Variants in TINAGL1 observed in about 807,000 individuals in gnomAD.
TINAGL1 encodes the protein tubulointerstitial nephritis antigen like 1.
In TINAGL1, 34 loss-of-function variants were observed where a neutral mutation model predicts 62.0. That is an observed-to-expected ratio of 0.55 (90% confidence interval 0.42 to 0.73). The LOEUF (loss-of-function observed/expected upper bound fraction) is 0.73. Ranked by LOEUF, TINAGL1 falls within the 30% of genes least tolerant of loss-of-function variation. The probability of loss-of-function intolerance (pLI) is 0.00; values close to 1 mark genes in which losing one functional copy is unlikely to be tolerated. For missense variants in TINAGL1, 516 were observed against 653.2 expected (o/e 0.79, Z 2.29); for synonymous variants, 221 against 249.7 (o/e 0.88, Z 1.08).
In TINAGL1 at chr1:31,584,509, T is replaced by A; in HGVS notation, c.583-169T>A. The A allele has an allele frequency of 9.7e-7, 1 of 1,029,976 alleles. No homozygotes were observed. Among genetic ancestry groups the A allele is most frequent in the Non-Finnish European group, 1.4e-6 (1 of 706,898 alleles). The allele number at this position is 1,029,976 out of a possible 1,614,324, so 63.8% of individuals were successfully genotyped here. On this transcript the variant is annotated intron_variant, in intron 5 of 11. Transcript: ENST00000271064. This position sits in a 1 kb window ranked among gnomAD's most constrained non-coding sequence, Gnocchi z 4.0. Reference sequence around the variant, plus strand: ...CTGGGAGGCACTAAATGGTGCTTGGTTCTTCAACACAAGTCAAAATTGGAG... The same window carrying A: ...CTGGGAGGCACTAAATGGTGCTTGGATCTTCAACACAAGTCAAAATTGGAG...
Position 31,586,711 on chromosome 1 carries a change from T to C in TINAGL1, c.1219T>C (p.Trp407Arg), listed in dbSNP as rs1352039245. 1 of 1,558,220 alleles carries C rather than the reference T, an allele frequency of 6.4e-7. No homozygotes were observed. The highest frequency in any genetic ancestry group is 8.7e-7 in the Non-Finnish European group (1 of 1,150,680). ...HGTHSVKITG[W>R]GEETLPDGRT... The stretch of plus-strand genomic sequence containing the variant: ...CCCCCTCCTCTGCTCTGCCCACAGA[T>C]GGGGAGAGGAGACGCTGCCAGATGG... Residue 407 changes from tryptophan to arginine, a missense_variant and splice_region_variant, in exon 11 of 12, where the codon TGG becomes CGG. Trp to Arg is a moderately radical substitution (Grantham distance 101). Coordinates refer to ENST00000271064, the MANE Select transcript of TINAGL1 (RefSeq NM_022164.3).
In TINAGL1 at chr1:31,577,449, C is replaced by T; in HGVS notation, c.301C>T (p.Pro101Ser). The change falls in exon 2 of 12, where the codon CCG (proline) becomes TCG (serine). Residue 101 changes from proline to serine, a missense_variant. Physicochemically the swap from Pro to Ser is moderately conservative, Grantham distance 74. Coordinates refer to ENST00000271064, the MANE Select transcript of TINAGL1 (RefSeq NM_022164.3). The surrounding 1 kb of genome is among the most constrained non-coding windows in gnomAD (Gnocchi z 5.4). ...FCLGVPPPFP[P>S]IQGCMHGGRI... ...CCTCGGCGTGCCACCCCCTTTTCCCCCGATCCAAGGTGGGCACTAAGATGG... is the reference window on the plus strand; with the variant it reads ...CCTCGGCGTGCCACCCCCTTTTCCCTCGATCCAAGGTGGGCACTAAGATGG... 1 of 1,609,810 alleles carries T rather than the reference C, an allele frequency of 6.2e-7. No homozygotes were observed.
chr1:31,577,757 C>A lies in TINAGL1; in HGVS notation c.310+299C>A. ...GACTCACTCTTGGGCTGATAAGGCA[C>A]ATATGGGTTGGTGAGGGTCATCTTA... On this transcript the variant is annotated intron_variant, in intron 2 of 11. Transcript: ENST00000271064. The surrounding 1 kb of genome is among the most constrained non-coding windows in gnomAD (Gnocchi z 5.4). 1 of 370,322 alleles carries A rather than the reference C, an allele frequency of 2.7e-6. No homozygotes were observed. Among genetic ancestry groups the A allele is most frequent in the Non-Finnish European group, 4.8e-6 (1 of 206,598 alleles). The allele number at this position is 370,322 out of a possible 1,614,324, so 22.9% of individuals were successfully genotyped here.
chr1:31,579,109 T>G, intron 2 of TINAGL1, 95 bp from the exon 3 acceptor site: 1 of 852,718 alleles, frequency 1.2e-6, no homozygotes, highest in African/African-American at 1.7e-5. Flanking sequence ...GAGAGAATCT[T>G]GGAAAGGTTC....
Position 31,576,752 on chromosome 1 carries a change from G to A in TINAGL1, c.-16+157G>A, listed in dbSNP as rs1480497271. ...GAAGAGAGGTGTACCCAAAAGACCG[G>A]GGGAGACAGGAAAGCACAAAGTCAA... On this transcript the variant is annotated intron_variant, in intron 1 of 11. Coordinates refer to ENST00000271064, the MANE Select transcript of TINAGL1 (RefSeq NM_022164.3). The surrounding 1 kb of genome is among the most constrained non-coding windows in gnomAD (Gnocchi z 5.1). 1.3e-5 allele frequency among the ~76,000 whole-genome samples: 2 copies of A among 152,302 alleles called. No homozygotes were observed. The highest frequency in any genetic ancestry group is 2.9e-5 in the Non-Finnish European group (2 of 68,028).
chr1:31,585,245 C>T lies in TINAGL1; in HGVS notation c.952C>T (p.Arg318Trp), dbSNP rs375312329. 1.2e-5 allele frequency: 19 copies of T among 1,613,458 alleles called. No homozygotes were observed. The highest frequency in any genetic ancestry group is 1.5e-5 in the Non-Finnish European group (18 of 1,179,766). Residue 318 changes from arginine to tryptophan, a missense_variant, in exon 8 of 12, where the codon CGG (arginine) becomes TGG (tryptophan). Transcript: ENST00000271064. This position sits in a 1 kb window ranked among gnomAD's most constrained non-coding sequence, Gnocchi z 4.3. ...TATGATGCACAGCCGAGCCATGGGT[C>T]GGGGCAAGCGCCAGGCCACTGCCCA... ...PCMMHSRAMG[R>W]GKRQATAHCP... is the part of the protein sequence containing the mutation.
Position 31,586,731 on chromosome 1 carries a change from A to G in TINAGL1, c.1239A>G (p.Pro413=), listed in dbSNP as rs1355924374. The change falls in exon 11 of 12, where the codon CCA becomes CCG. Residue 413 remains proline (P), a synonymous_variant. Transcript: ENST00000271064. ...ACAGATGGGGAGAGGAGACGCTGCC[A>G]GATGGAAGGACGCTCAAATACTGGG... ...KITGWGEETL[P]DGRTLKYWTA... 6 of 1,556,600 alleles carry G rather than the reference A, an allele frequency of 3.9e-6. No individual in the cohort carries two copies. The highest frequency in any genetic ancestry group is 2.4e-5 in the South Asian group (2 of 84,296).
At position 31,577,561 on chromosome 1, in the gene TINAGL1, C is replaced by A. The variant is rs946423292; in HGVS notation, c.310+103C>A. 1.5e-6 allele frequency: 2 copies of A among 1,318,228 alleles called. No individual in the cohort carries two copies. The highest frequency in any genetic ancestry group is 2.1e-4 in the Middle Eastern group (1 of 4,738). 81.7% of individuals were successfully genotyped at this position (1,318,228 alleles called of 1,614,324 possible). On this transcript the variant is annotated intron_variant, in intron 2 of 11. Coordinates refer to ENST00000271064, the MANE Select transcript of TINAGL1 (RefSeq NM_022164.3). This position sits in a 1 kb window ranked among gnomAD's most constrained non-coding sequence, Gnocchi z 5.4. Reference sequence around the variant, plus strand: ...GATGCACTGACATTTCCAGGGGAAGCTCTGTAGAATCTGGGACTCTTCCCT... The same window carrying A: ...GATGCACTGACATTTCCAGGGGAAGATCTGTAGAATCTGGGACTCTTCCCT...
chr1:31,585,473 G>A lies in TINAGL1; in HGVS notation c.1081G>A (p.Gly361Ser). ...GATCATGAAGGAGCTGATGGAGAAT[G>A]GCCCTGTCCAAGGTAAACCCCCTTA... ...KEIMKELMEN[G>S]PVQALMEVHE... Residue 361 changes from glycine to serine, a missense_variant, in exon 9 of 12, where the codon GGC (glycine) becomes AGC (serine). Coordinates refer to ENST00000271064, the MANE Select transcript of TINAGL1 (RefSeq NM_022164.3). The surrounding 1 kb of genome is among the most constrained non-coding windows in gnomAD (Gnocchi z 4.3). 1 of 1,614,198 alleles carries A rather than the reference G, an allele frequency of 6.2e-7. No individual in the cohort carries two copies. Among genetic ancestry groups the A allele is most frequent in the Non-Finnish European group, 8.5e-7 (1 of 1,180,022 alleles).
intron 3 of TINAGL1, among the ~76,000 whole-genome samples, chr1:31,582,835 A>G (rs1402072797): frequency 1.3e-5 from 2 of 150,496 alleles, no homozygotes; most frequent in Non-Finnish European, 3.0e-5. Context: ...CCGTTTTCTG[A>G]GAACTGTAGG....
chr1:31,577,169 G>T lies in TINAGL1; in HGVS notation c.21G>T (p.Gly7=). 1.9e-6 allele frequency: 3 copies of T among 1,565,018 alleles called. No individual in the cohort carries two copies. Among genetic ancestry groups the T allele is most frequent in the Non-Finnish European group, 2.6e-6 (3 of 1,159,414 alleles). MWRCPL[G]LLLLLPLAGH... is the part of the protein sequence containing the mutation. ...CCACCATGTGGCGATGTCCACTGGG[G>T]CTACTGCTGTTGCTGCCGCTGGCTG... Residue 7 remains glycine (G), a synonymous_variant, in exon 2 of 12, where the codon GGG becomes GGT. Coordinates refer to ENST00000271064, the MANE Select transcript of TINAGL1 (RefSeq NM_022164.3). This position sits in a 1 kb window ranked among gnomAD's most constrained non-coding sequence, Gnocchi z 5.4.
Position 31,587,142 on chromosome 1 carries a change from C to G in TINAGL1, c.*163C>G. 8.9e-6 allele frequency: 10 copies of G among 1,124,046 alleles called. No homozygotes were observed. Among genetic ancestry groups the G allele is most frequent in the Non-Finnish European group, 1.1e-5 (10 of 875,562 alleles). 69.6% of individuals were successfully genotyped at this position (1,124,046 alleles called of 1,614,324 possible). A position where few individuals can be genotyped will look rare whatever the true frequency, so the allele number is the denominator to read the frequency against. On this transcript the variant is annotated 3_prime_UTR_variant, in exon 12 of 12. Transcript: ENST00000271064. ...GGGTTCCGCTGACGCAGCGCCCCGC[C>G]TGGGAGCCGCGGGCAGGCGAGACTG...
chr1:31,579,298 T>C (rs1477471973), intron 3 of TINAGL1, 31 bp downstream of exon 3: 1 of 1,598,610 alleles, frequency 6.3e-7, no homozygotes. Flanking sequence ...GGGGTCTTGC[T>C]TTGTGAGCCT....
intron 3 of TINAGL1, among the ~76,000 whole-genome samples, chr1:31,581,458 C>T (rs897283452): frequency 2.9e-4 from 44 of 152,176 alleles, no homozygotes; most frequent in African/African-American, 1.0e-3. Flanking sequence ...GACATGTGGG[C>T]GGACACCACA....
chr1:31,577,052 T>G lies in TINAGL1; in HGVS notation c.-15-82T>G. On this transcript the variant is annotated intron_variant, in intron 1 of 11. Coordinates refer to ENST00000271064, the MANE Select transcript of TINAGL1 (RefSeq NM_022164.3). This position sits in a 1 kb window ranked among gnomAD's most constrained non-coding sequence, Gnocchi z 5.4. ...GATCTCCCTCCCTGCTGGGCCCTCT[T>G]GAACTCACAGCTCCAGGAAACTGGG... 12 of 1,284,196 alleles carry G rather than the reference T, an allele frequency of 9.3e-6. No homozygotes were observed. Among genetic ancestry groups the G allele is most frequent in the Non-Finnish European group, 1.2e-5 (12 of 964,760 alleles). 79.6% of individuals were successfully genotyped at this position (1,284,196 alleles called of 1,614,324 possible).
chr1:31,579,308 T>C (rs775374824), intron 3 of TINAGL1, 41 bp downstream of exon 3: 9 of 1,562,514 alleles, frequency 5.8e-6, no homozygotes, highest in Non-Finnish European at 3.5e-6. Flanking sequence ...TTTGTGAGCC[T>C]GTGGCTGACA....
At chr1:31,579,423 C>A (rs1410899500) in intron 3 of TINAGL1, among the ~76,000 whole-genome samples, 156 bp downstream of exon 3, 2 of 152,196 alleles carry the variant, frequency 1.3e-5, no homozygotes, top group African/African-American at 4.8e-5. Flanking sequence ...TTAACACTGA[C>A]CAAGTCAACT....
intron 2 of TINAGL1, chr1:31,578,030 T>TTCTCTGGGCCTTGGCTTCCCC (rs1639047407): frequency 2.8e-6 from 1 of 360,058 alleles, no homozygotes; most frequent in Non-Finnish European, 3.9e-6. Flanking sequence ...GTTGCTTACC[T>TTCTCTGGGCCTTGGCTTCCCC]TCTCTGGGCC....
At position 31,583,236 on chromosome 1, in the gene TINAGL1, C is replaced by T; in HGVS notation, c.462C>T (p.Asn154=). 1.9e-6 allele frequency: 3 copies of T among 1,614,220 alleles called. No homozygotes were observed. The highest frequency in any genetic ancestry group is 2.5e-6 in the Non-Finnish European group (3 of 1,180,024). The change falls in exon 4 of 12, where the codon AAC becomes AAT. Residue 154 remains asparagine, a synonymous_variant. Coordinates refer to ENST00000271064, the MANE Select transcript of TINAGL1 (RefSeq NM_022164.3). This position sits in a 1 kb window ranked among gnomAD's most constrained non-coding sequence, Gnocchi z 4.4. ...TGATCAAAGCCATCAACCAGGGCAA[C>T]TATGGGTGAGAGGCCCTAGAGGCAC... ...PDMIKAINQG[N]YGWQAGNHSA...
Sources: gnomAD v4.1 joint callset for allele counts (sites outside exome capture counted in the v4.1 genomes callset) on GRCh38, gnomAD v4.1.1 for gene constraint, Gnocchi (gnomAD v3.1) non-coding constraint, MANE v1.5 for transcripts, NCBI Gene and HGNC (gene_info 2026-07-23, HGNC 2026-07-21) for gene names.